ASTN2: variants seen among roughly 807,000 people sequenced by gnomAD.
ASTN2 encodes astrotactin-2.
A neutral mutation model predicts 139.8 loss-of-function variants in ASTN2; 54 were observed. That is an observed-to-expected ratio of 0.39 (90% CI 0.31 to 0.48). The LOEUF is 0.48. ASTN2 is among the 20% of genes least tolerant of loss of function. The pLI is 0.95. For synonymous variants in ASTN2, 756 were observed against 719.5 expected (o/e 1.05, Z -0.81); for missense variants, 1,565 against 1,725.1 (o/e 0.91, Z 1.64).
chr9:117,392,390 C>T (rs933444303), intron 1 of ASTN2, among the ~76,000 whole-genome samples: 4 of 152,208 alleles, frequency 2.6e-5, no homozygotes, highest in African/African-American at 4.8e-5. Flanking sequence ...AAATTTAAAT[C>T]TACCCTGCAG....
chr9:117,260,607 T>G (rs928677164), intron 2 of ASTN2, among the ~76,000 whole-genome samples: 1 of 152,178 alleles, frequency 6.6e-6, no homozygotes, highest in Non-Finnish European at 1.5e-5. Flanking sequence ...TGTGATTTCT[T>G]TATGTGGTCT....
intron 4 of ASTN2, among the ~76,000 whole-genome samples, chr9:117,125,668 A>G (rs944977): frequency 0.015 from 2,360 of 152,306 alleles, 53 homozygotes; most frequent in African/African-American, 0.054. Flanking sequence ...GAGGGTAAGC[A>G]TTAATTAAAT....
At chr9:117,166,542 T>TGAAGCAAAGGAAGCAAAGGAAGCAAAG (rs1452119129) in intron 3 of ASTN2, among the ~76,000 whole-genome samples, 1 of 152,162 alleles carries the variant, frequency 6.6e-6, no homozygotes, top group African/African-American at 2.4e-5. Context: ...TATTCCTTTG[T>TGAAGCAAAGGAAGCAAAGGAAGCAAAG]GAAGCAAAAC....
intron 2 of ASTN2, among the ~76,000 whole-genome samples, chr9:117,234,306 C>T (rs1368182825): frequency 1.3e-5 from 2 of 152,184 alleles, no homozygotes; most frequent in Non-Finnish European, 2.9e-5. Context: ...AGAGACAATA[C>T]AGACGTGCTT....
chr9:117,330,922 T>C (rs1435883217), intron 1 of ASTN2, among the ~76,000 whole-genome samples: 2 of 152,292 alleles, frequency 1.3e-5, no homozygotes, highest in East Asian at 1.9e-4. Context: ...AGAGCTAGGA[T>C]AGGCCTGTTG....
In ASTN2 at chr9:116,699,699, C is replaced by T. The variant is rs899549661; in HGVS notation, c.2806+26072G>A. On this transcript the variant is annotated intron_variant, in intron 16 of 22. Coordinates refer to ENST00000313400, the MANE Select transcript of ASTN2 (RefSeq NM_001365068.1). This position sits in a 1 kb window ranked among gnomAD's most constrained non-coding sequence, Gnocchi z 4.2. ...CTACCATCTGAGAAGATATTCCACC[C>T]CATAGGGGATGAGAAATTATCAGTT... 26 of 1,614,078 alleles carry T rather than the reference C, an allele frequency of 1.6e-5. 1 individual carries two copies. The highest frequency in any genetic ancestry group is 2.2e-5 in the Non-Finnish European group (26 of 1,180,052).
chr9:117,161,973 A>G (rs1830563856), intron 3 of ASTN2, among the ~76,000 whole-genome samples: 2 of 152,092 alleles, frequency 1.3e-5, no homozygotes, highest in East Asian at 1.9e-4. Flanking sequence ...TCACCACTTT[A>G]TAGATAAAGA....
At chr9:116,721,479 A>G (rs372406188) in intron 16 of ASTN2, among the ~76,000 whole-genome samples, 2 of 152,204 alleles carry the variant, frequency 1.3e-5, no homozygotes, top group East Asian at 1.9e-4. Flanking sequence ...AAATACAGGG[A>G]TATCAAGAGC....
intron 9 of ASTN2, 129 bp from the exon 10 acceptor site, chr9:116,975,474 AG>A: frequency 5.2e-6 from 5 of 967,498 alleles, no homozygotes; most frequent in Non-Finnish European, 7.2e-6. Flanking sequence ...GCATTATTTA[AG>A]GAACAATGTT....
chr9:117,412,715 T>G (rs1161953671), intron 1 of ASTN2, among the ~76,000 whole-genome samples: 1 of 151,918 alleles, frequency 6.6e-6, no homozygotes, highest in Non-Finnish European at 1.5e-5. Flanking sequence ...TCTCTCAGAG[T>G]ACCCCGGAGT....
intron 3 of ASTN2, among the ~76,000 whole-genome samples, chr9:117,159,936 G>C (rs555393701): frequency 9.9e-5 from 15 of 152,150 alleles, no homozygotes; most frequent in African/African-American, 3.4e-4. Context: ...CCAAGCTGCA[G>C]ATTGAGTTCA....
At chr9:116,751,113 A>G (rs986053407) in intron 13 of ASTN2, among the ~76,000 whole-genome samples, 3 of 149,876 alleles carry the variant, frequency 2.0e-5, no homozygotes. Flanking sequence ...TAGATGTGCT[A>G]TCCTAAGCAG....
chr9:116,601,517 A>G (rs1854898473), intron 19 of ASTN2, among the ~76,000 whole-genome samples: 1 of 152,192 alleles, frequency 6.6e-6, no homozygotes, highest in African/African-American at 2.4e-5. Flanking sequence ...ATGATCACAG[A>G]AGATGTTGAG....
intron 6 of ASTN2, among the ~76,000 whole-genome samples, chr9:117,024,406 GTTT>G (rs893377167): frequency 7.0e-6 from 1 of 143,788 alleles, no homozygotes; most frequent in Non-Finnish European, 1.5e-5. Context: ...TCTCAGAATT[GTTT>G]TTTTTTAAAA....
intron 3 of ASTN2, among the ~76,000 whole-genome samples, chr9:117,194,766 T>C (rs1383844218): frequency 6.6e-6 from 1 of 152,222 alleles, no homozygotes; most frequent in Non-Finnish European, 1.5e-5. Context: ...GGTTCCATTA[T>C]TTGTAGTTGT....
intron 11 of ASTN2, among the ~76,000 whole-genome samples, chr9:116,857,455 C>A (rs1208659231): frequency 6.6e-6 from 1 of 152,170 alleles, no homozygotes; most frequent in Non-Finnish European, 1.5e-5. Flanking sequence ...GCTTATAAAA[C>A]AAGGCTTAAC....
chr9:116,898,225 A>G (rs1833924199), intron 10 of ASTN2, among the ~76,000 whole-genome samples: 1 of 151,936 alleles, frequency 6.6e-6, no homozygotes, highest in South Asian at 2.1e-4. Flanking sequence ...TGGGCAACAT[A>G]GTGAGACCCT....
At chr9:117,345,504 G>A (rs1829188087) in intron 1 of ASTN2, among the ~76,000 whole-genome samples, 2 of 152,188 alleles carry the variant, frequency 1.3e-5, no homozygotes, top group African/African-American at 4.8e-5. Context: ...AGGAAACTGT[G>A]GCTCAAAGAG....
intron 13 of ASTN2, among the ~76,000 whole-genome samples, chr9:116,795,184 T>G (rs977842273): frequency 3.3e-5 from 5 of 152,196 alleles, no homozygotes; most frequent in Admixed American, 3.3e-4. Flanking sequence ...TTCACCATGT[T>G]GGCCAGGCTG....
Sources: allele counts gnomAD v4.1 joint callset (sites outside exome capture counted in the v4.1 genomes callset), GRCh38; gene constraint gnomAD v4.1.1; non-coding constraint Gnocchi (gnomAD v3.1); transcripts MANE v1.5; gene names NCBI Gene and HGNC (gene_info 2026-07-23, HGNC 2026-07-21).